Variants in VPS54 observed in about 807,000 individuals in gnomAD.
The protein encoded by VPS54 is vacuolar protein sorting-associated protein 54.
Under a neutral mutation model 121.5 loss-of-function variants are expected in VPS54, and 45 were observed. The ratio of observed to expected loss-of-function variants is 0.37; its 90% CI spans 0.29 to 0.47. VPS54 has a LOEUF of 0.47. VPS54 is among the 20% of genes least tolerant of loss of function. VPS54 has a pLI of 0.99. For missense variants in VPS54, 1,090 were observed against 1,131.4 expected, an observed-to-expected ratio of 0.96 and a Z score of 0.52; for synonymous variants, 371 against 385.8, an observed-to-expected ratio of 0.96 and a Z score of 0.45.
At chr2:63,941,112 GTACA>G (rs1458421566) in intron 11 of VPS54, among the ~76,000 whole-genome samples, 6 of 152,158 alleles carry the variant, frequency 3.9e-5, no homozygotes, top group Non-Finnish European at 5.9e-5. Flanking sequence ...ATGTTAACTA[GTACA>G]TAAAACACAA....
At chr2:63,903,419 T>C (rs755977047) in intron 20 of VPS54, among the ~76,000 whole-genome samples, 3 of 152,222 alleles carry the variant, frequency 2.0e-5, no homozygotes, top group Non-Finnish European at 4.4e-5. Context: ...TCAGGCAGTA[T>C]GGTATCGGAT....
rs545910658 is a variant in VPS54 at position 63,997,139 on chromosome 2, C to T, written c.-20-13120G>A. On this transcript the variant is annotated intron_variant, in intron 1 of 22. Coordinates refer to ENST00000272322, the MANE Select transcript of VPS54 (RefSeq NM_016516.3). The stretch of plus-strand genomic sequence containing the variant: ...TGTTGAAATACAGGGGGCTGGTTCC[C>T]CCGTTAGACATAGGCCTGCAGTTTC... Among the ~76,000 whole-genome samples, 3 of 152,216 alleles carry T rather than the reference C, an allele frequency of 2.0e-5. No individual in the cohort carries two copies. In the South Asian group the frequency reaches 6.2e-4, roughly 32 times the overall value.
intron 7 of VPS54, among the ~76,000 whole-genome samples, chr2:63,952,690 T>G (rs2104536538): frequency 6.6e-6 from 1 of 152,306 alleles, no homozygotes; most frequent in Non-Finnish European, 1.5e-5. Context: ...ATATTTCTTA[T>G]AGTTAATAGA....
intron 4 of VPS54, among the ~76,000 whole-genome samples, chr2:63,969,830 A>T (rs950149613): frequency 6.6e-6 from 1 of 152,182 alleles, no homozygotes; most frequent in Non-Finnish European, 1.5e-5. Context: ...TAATTTTAAA[A>T]AATGAATTAA....
At chr2:64,017,551 A>G (rs1401396109) in intron 1 of VPS54, among the ~76,000 whole-genome samples, 1 of 152,216 alleles carries the variant, frequency 6.6e-6, no homozygotes, top group African/African-American at 2.4e-5. Flanking sequence ...TAATTTCAAA[A>G]ACACTTCAGA....
At chr2:63,943,364 T>C (rs1317130015) in intron 10 of VPS54, among the ~76,000 whole-genome samples, 1 of 152,218 alleles carries the variant, frequency 6.6e-6, no homozygotes, top group Non-Finnish European at 1.5e-5. Flanking sequence ...ATACAGGAAG[T>C]TCTCTACTTC....
intron 3 of VPS54, among the ~76,000 whole-genome samples, chr2:63,976,138 T>C (rs1305465429): frequency 6.6e-6 from 1 of 151,950 alleles, no homozygotes; most frequent in Non-Finnish European, 1.5e-5. Context: ...ATTGAGGAGT[T>C]TGAGACCAGC....
intron 11 of VPS54, among the ~76,000 whole-genome samples, chr2:63,937,385 A>G (rs1674501228): frequency 6.6e-6 from 1 of 152,206 alleles, no homozygotes; most frequent in African/African-American, 2.4e-5. Context: ...ATAAGCACAT[A>G]AAAAAGATGC....
intron 20 of VPS54, among the ~76,000 whole-genome samples, chr2:63,909,118 G>C (rs1238535315): frequency 6.6e-6 from 1 of 152,060 alleles, no homozygotes; most frequent in Non-Finnish European, 1.5e-5. Context: ...CTCTTCCAAA[G>C]CCTTAAAAGC....
At chr2:63,994,952 G>A (rs1372416258) in intron 1 of VPS54, among the ~76,000 whole-genome samples, 1 of 152,142 alleles carries the variant, frequency 6.6e-6, no homozygotes, top group East Asian at 1.9e-4. Context: ...GGGAGAACGA[G>A]AATCATCATT....
At chr2:63,987,063 G>C (rs1575993081) in intron 1 of VPS54, among the ~76,000 whole-genome samples, 1 of 152,090 alleles carries the variant, frequency 6.6e-6, no homozygotes, top group African/African-American at 2.4e-5. Flanking sequence ...CAGAAGCTTT[G>C]TAACTTGATG....
intron 22 of VPS54, among the ~76,000 whole-genome samples, chr2:63,895,941 G>A (rs1672427638): frequency 6.6e-6 from 1 of 152,310 alleles, no homozygotes; most frequent in African/African-American, 2.4e-5. Context: ...CCCAGATTTA[G>A]TTATGGGAAT....
At chr2:63,979,239 TTG>T (rs1056775368) in intron 3 of VPS54, among the ~76,000 whole-genome samples, 8 of 150,118 alleles carry the variant, frequency 5.3e-5, no homozygotes, top group African/African-American at 1.7e-4. Flanking sequence ...TTTTTTCTGT[TTG>T]TTTTTTTTTT....
chr2:63,897,423 G>T, intron 22 of VPS54, 73 bp downstream of exon 22: 1 of 1,069,242 alleles, frequency 9.4e-7, no homozygotes, highest in Non-Finnish European at 1.4e-6. Context: ...GAAAAGGATG[G>T]CACAAATAAT....
intron 12 of VPS54, among the ~76,000 whole-genome samples, chr2:63,926,661 G>T (rs1272861925): frequency 6.6e-6 from 1 of 152,198 alleles, no homozygotes; most frequent in Non-Finnish European, 1.5e-5. Flanking sequence ...CCCATGGAGG[G>T]TGCGCTGAAG....
At chr2:64,012,759 T>A (rs1678489243) in intron 1 of VPS54, among the ~76,000 whole-genome samples, 1 of 151,702 alleles carries the variant, frequency 6.6e-6, no homozygotes, top group Admixed American at 6.6e-5. Flanking sequence ...CCCTGCCTCC[T>A]CCAGCTACTA....
intron 1 of VPS54, among the ~76,000 whole-genome samples, chr2:64,014,545 T>C (rs1678590720): frequency 7.5e-6 from 1 of 132,772 alleles, no homozygotes; most frequent in Admixed American, 7.7e-5. Flanking sequence ...CTAGTTATTT[T>C]ACTAGTTTGT....
chr2:63,894,072 C>A (rs1309638520), intron 22 of VPS54, among the ~76,000 whole-genome samples: 1 of 152,094 alleles, frequency 6.6e-6, no homozygotes, highest in African/African-American at 2.4e-5. Flanking sequence ...AACCAATAAA[C>A]TGAAAAAATG....
At chr2:64,002,432 A>G (rs58982089) in intron 1 of VPS54, among the ~76,000 whole-genome samples, 11,043 of 152,230 alleles carry the variant, frequency 0.073, 842 homozygotes, top group African/African-American at 0.19. Flanking sequence ...TGTACCCCCA[A>G]ATCTAAAATA....
Sources: allele counts gnomAD v4.1 joint callset (sites outside exome capture counted in the v4.1 genomes callset), GRCh38; gene constraint gnomAD v4.1.1; transcripts MANE v1.5; gene names NCBI Gene and HGNC (gene_info 2026-07-23, HGNC 2026-07-21).